The following PLAAT1 variants were observed in gnomAD, a reference collection of about 807,000 sequenced individuals.
The protein encoded by PLAAT1 is phospholipase A and acyltransferase 1, also known as H-REV107 protein-related protein.
PLAAT1 carries 13 observed loss-of-function variants against 16.4 expected under a neutral mutation model. The ratio of observed to expected loss-of-function variants is 0.79; its 90% CI spans 0.52 to 1.26. PLAAT1 has a LOEUF of 1.26. PLAAT1 is among the 50% of genes most tolerant of loss of function. The pLI is 0.00. For synonymous variants in PLAAT1, 73 were observed against 78.4 expected (o/e 0.93, Z 0.36); for missense variants, 218 against 207.8 (o/e 1.05, Z -0.30).
rs530186968 is a variant in PLAAT1 at position 193,263,135 on chromosome 3, C to T, written c.305C>T (p.Ser102Leu). ...CCTGTGGAAGAAATCATAAAGCGGT[C>T]AGAGTTTGTAATTGGACAGGAGGTG... ...PLPVEEIIKR[S>L]EFVIGQEVAY... Residue 102 changes from serine (S) to leucine (L), a missense_variant, in exon 3 of 4, where the codon TCA (serine) becomes TTA (leucine). Ser to Leu is a moderately radical substitution (Grantham distance 145). Transcript: ENST00000264735. 7.4e-6 allele frequency: 12 copies of T among 1,614,104 alleles called. No individual in the cohort carries two copies. In the East Asian group the frequency reaches 1.6e-4, roughly 21 times the overall value.
intron 2 of PLAAT1, among the ~76,000 whole-genome samples, chr3:193,276,160 C>T (rs1167285012): frequency 6.6e-6 from 1 of 151,874 alleles, no homozygotes; most frequent in Non-Finnish European, 1.5e-5. Context: ...TTGGTTGATC[C>T]CTTTTCCAAA....
Position 193,275,901 on chromosome 3 carries a change from C to T in PLAAT1, c.*60-1735C>T, listed in dbSNP as rs145538300. 7.1e-3 allele frequency among the ~76,000 whole-genome samples: 1,082 copies of T among 152,106 alleles called. 17 individuals carry two copies. The highest frequency in any genetic ancestry group is 0.023 in the African/African-American group (964 of 41,486). ...AATTTTTATTTTATTATGGGAAGAA[C>T]GTAGGTACAATATGATTAATAATGA... On this transcript the variant is annotated intron_variant and NMD_transcript_variant, in intron 2 of 2. Transcript: ENST00000416012.
chr3:193,253,269 A>G (rs947890575), intron 1 of PLAAT1, among the ~76,000 whole-genome samples: 6 of 152,158 alleles, frequency 3.9e-5, no homozygotes, highest in African/African-American at 7.2e-5. Flanking sequence ...TATAAATATG[A>G]TAGACTTTAT....
downstream of PLAAT1, chr3:193,275,245 A>G: frequency 1.2e-6 from 2 of 1,614,188 alleles, no homozygotes; most frequent in Non-Finnish European, 1.7e-6. Context: ...CTTTTAGAGT[A>G]GAATCCAAAT....
At position 193,241,671 on chromosome 3, in the gene PLAAT1, G is replaced by A. The variant is rs954166854; in HGVS notation, c.-1+138G>A. The A allele has an allele frequency of 5.5e-6, 3 of 546,500 alleles. No homozygotes were observed. The African/African-American group carries it at 5.9e-5, about 11-fold the overall frequency. The allele number at this position is 546,500 out of a possible 1,614,324, so 33.9% of individuals were successfully genotyped here. A position where few individuals can be genotyped will look rare whatever the true frequency, so the allele number is the denominator to read the frequency against. On this transcript the variant is annotated intron_variant, in intron 1 of 3. Coordinates refer to ENST00000264735, the MANE Select transcript of PLAAT1 (RefSeq NM_020386.5). The stretch of plus-strand genomic sequence containing the variant: ...ACCCTCCTCTTTTTCACAGACTGGG[G>A]AACTCAGTCCACAGGGCAAGAGACT...
downstream of PLAAT1, among the ~76,000 whole-genome samples, chr3:193,272,270 C>T (rs1352854825): frequency 3.9e-5 from 6 of 151,914 alleles, no homozygotes; most frequent in African/African-American, 1.2e-4. Flanking sequence ...GGTGAAACCC[C>T]GTCTCTACTA....
intron 2 of PLAAT1, among the ~76,000 whole-genome samples, chr3:193,260,413 T>C (rs551527964): frequency 6.6e-5 from 10 of 151,870 alleles, no homozygotes; most frequent in Non-Finnish European, 1.3e-4. Flanking sequence ...ACAGAGTAAA[T>C]AGTCTACAGA....
downstream of PLAAT1, chr3:193,274,927 T>C (rs145934362): frequency 2.8e-6 from 4 of 1,415,554 alleles, no homozygotes; most frequent in African/African-American, 4.3e-5. Context: ...AAAATATACT[T>C]TGAATGCTTG....
At chr3:193,267,562 A>T (rs1008377782) in intron 3 of PLAAT1, among the ~76,000 whole-genome samples, 3 of 152,162 alleles carry the variant, frequency 2.0e-5, no homozygotes, top group African/African-American at 7.2e-5. Context: ...TTAGCACTGA[A>T]TGATATTCCA....
At chr3:193,243,975 C>T (rs1274471414) in intron 1 of PLAAT1, among the ~76,000 whole-genome samples, 2 of 152,188 alleles carry the variant, frequency 1.3e-5, no homozygotes, top group African/African-American at 4.8e-5. Context: ...GTGTGTGACC[C>T]TTTGGCATTG....
chr3:193,242,978 A>G (rs1715832464), intron 1 of PLAAT1, among the ~76,000 whole-genome samples: 1 of 152,242 alleles, frequency 6.6e-6, no homozygotes, highest in South Asian at 2.1e-4. Context: ...GTGGCCTCTT[A>G]GGCATGAGCA....
At position 193,246,327 on chromosome 3, in the gene PLAAT1, G is replaced by A. The variant is rs370797026; in HGVS notation, c.-1+4794G>A. On this transcript the variant is annotated intron_variant, in intron 1 of 3. Transcript: ENST00000264735. ...CTGAGATACTTGTGTGCTTTTTGTC[G>A]TTCATTTTGTTAATATGGTATATTT... Among the ~76,000 whole-genome samples, 15 of 151,676 alleles carry A rather than the reference G, an allele frequency of 9.9e-5. No individual in the cohort carries two copies. The South Asian group carries it at 1.5e-3, about 15-fold the overall frequency.
At chr3:193,259,668 A>G (rs948756934) in intron 2 of PLAAT1, among the ~76,000 whole-genome samples, 1 of 152,280 alleles carries the variant, frequency 6.6e-6, no homozygotes, top group African/African-American at 2.4e-5. Context: ...CATCCAACCA[A>G]GAAGGTGAAA....
chr3:193,278,319 G>A (rs576499259), downstream of PLAAT1, among the ~76,000 whole-genome samples: 1 of 152,268 alleles, frequency 6.6e-6, no homozygotes, highest in South Asian at 2.1e-4. Context: ...TGTCTTCAGA[G>A]CCCTGCTGAG....
intron 3 of PLAAT1, among the ~76,000 whole-genome samples, chr3:193,270,039 C>A (rs1716929012): frequency 6.7e-6 from 1 of 149,666 alleles, no homozygotes; most frequent in African/African-American, 2.5e-5. Context: ...AGATGACATC[C>A]CTGAATTATT....
intron 2 of PLAAT1, among the ~76,000 whole-genome samples, chr3:193,260,100 T>C (rs1468456634): frequency 2.6e-5 from 4 of 151,974 alleles, no homozygotes; most frequent in African/African-American, 9.6e-5. Context: ...AAATAAGCAA[T>C]GGGGAAAGGT....
intron 1 of PLAAT1, among the ~76,000 whole-genome samples, chr3:193,243,342 C>A (rs79746697): frequency 0.019 from 2,863 of 151,982 alleles, 76 homozygotes; most frequent in African/African-American, 0.066. Context: ...AAAACTTACC[C>A]AATCAGACAG....
downstream of PLAAT1, chr3:193,279,438 C>T (rs1274094169): frequency 6.2e-7 from 1 of 1,613,310 alleles, no homozygotes; most frequent in South Asian, 1.1e-5. Flanking sequence ...CAGCTAGCAG[C>T]AGAAATGAAA....
Position 193,249,367 on chromosome 3 carries a change from T to C in PLAAT1, c.1-6284T>C, listed in dbSNP as rs2108782177. ...CCTACACTTAGGAAGGTTTTCGCAA[T>C]TGCAGTAGATTCTTGTTTAATGTTC... On this transcript the variant is annotated intron_variant, in intron 1 of 3. Coordinates refer to ENST00000264735, the MANE Select transcript of PLAAT1 (RefSeq NM_020386.5). 1.3e-5 allele frequency among the ~76,000 whole-genome samples: 2 copies of C among 152,316 alleles called. 1 individual carries two copies. The highest frequency in any genetic ancestry group is 4.1e-4 in the South Asian group (2 of 4,830).
Sources: gnomAD v4.1 joint callset for allele counts (sites outside exome capture counted in the v4.1 genomes callset) on GRCh38, gnomAD v4.1.1 for gene constraint, MANE v1.5 for transcripts, NCBI Gene and HGNC (gene_info 2026-07-23, HGNC 2026-07-21) for gene names.